TTC6: variants seen among roughly 807,000 people sequenced by gnomAD.
The protein encoded by TTC6 is tetratricopeptide repeat domain 6.
TTC6 carries 172 observed loss-of-function variants against 210.4 expected under a neutral mutation model. The ratio of observed to expected loss-of-function variants is 0.82; its 90% CI spans 0.72 to 0.93. The LOEUF is 0.93. Ranked by LOEUF, TTC6 falls within the 40% of genes least tolerant of loss-of-function variation. The pLI is 0.00. For missense variants in TTC6, 2,414 were observed against 2,318.1 expected (o/e 1.04, Z -0.85); for synonymous variants, 804 against 819.6 (o/e 0.98, Z 0.32).
chr14:37,717,744 G>GT (rs1301002943), intron 6 of TTC6, among the ~76,000 whole-genome samples: 1 of 151,224 alleles, frequency 6.6e-6, no homozygotes, highest in Non-Finnish European at 1.5e-5. Flanking sequence ...GACAAAGACA[G>GT]TAAAAAAAAC....
chr14:37,685,553 G>A (rs920446668), intron 3 of TTC6, among the ~76,000 whole-genome samples: 2 of 152,308 alleles, frequency 1.3e-5, no homozygotes, highest in East Asian at 1.9e-4. Flanking sequence ...TTGGAAAAAG[G>A]TTGAGGTTTT....
At chr14:37,790,299 T>C (rs1172922237) in intron 15 of TTC6, among the ~76,000 whole-genome samples, 1 of 152,132 alleles carries the variant, frequency 6.6e-6, no homozygotes, top group African/African-American at 2.4e-5. Flanking sequence ...CCAGTAACGA[T>C]GGCTTCCTGA....
chr14:37,780,575 T>C (rs959003536), intron 14 of TTC6, among the ~76,000 whole-genome samples: 5 of 152,310 alleles, frequency 3.3e-5, no homozygotes, highest in Middle Eastern at 3.4e-3. Context: ...GCAAAAGACA[T>C]GTTCTCATTT....
intron 10 of TTC6, among the ~76,000 whole-genome samples, chr14:37,745,653 T>A (rs917584537): frequency 4.6e-5 from 7 of 152,228 alleles, no homozygotes; most frequent in African/African-American, 1.7e-4. Context: ...TTCACTTGAC[T>A]TTCATAATTC....
intron 14 of TTC6, among the ~76,000 whole-genome samples, chr14:37,775,643 C>A (rs569134671): frequency 6.6e-6 from 1 of 152,204 alleles, no homozygotes; most frequent in East Asian, 1.9e-4. Context: ...TCTATTTGGT[C>A]AAATGTCAGG....
chr14:37,778,064 G>A (rs1430397719), intron 14 of TTC6, among the ~76,000 whole-genome samples: 1 of 152,186 alleles, frequency 6.6e-6, no homozygotes, highest in Non-Finnish European at 1.5e-5. Context: ...GCTTCATTGG[G>A]TGGTGGCAGC....
chr14:37,677,565 C>A (rs942280951), intron 1 of TTC6, among the ~76,000 whole-genome samples: 1 of 151,912 alleles, frequency 6.6e-6, no homozygotes, highest in African/African-American at 2.4e-5. Context: ...TTGTGTGTTT[C>A]TGCTCAGAGG....
intron 7 of TTC6, among the ~76,000 whole-genome samples, chr14:37,727,805 C>G (rs1951638): frequency 0.016 from 2,399 of 152,292 alleles, 71 homozygotes; most frequent in African/African-American, 0.054. Context: ...TTTAAAAACT[C>G]GTTGGAATTA....
At chr14:37,770,014 G>C (rs531279025) in intron 14 of TTC6, among the ~76,000 whole-genome samples, 5,839 of 152,146 alleles carry the variant, frequency 0.038, 146 homozygotes, top group Non-Finnish European at 0.051. Flanking sequence ...CTTTGTTCCC[G>C]TTGGTTTCAA....
chr14:37,786,967 A>G (rs532691798), intron 14 of TTC6, among the ~76,000 whole-genome samples: 7 of 152,356 alleles, frequency 4.6e-5, no homozygotes, highest in African/African-American at 1.7e-4. Flanking sequence ...AATCCAGTTT[A>G]CACAACTAAT....
At chr14:37,643,879 TG>T (rs2095696852) in intron 1 of TTC6, among the ~76,000 whole-genome samples, 2 of 152,228 alleles carry the variant, frequency 1.3e-5, no homozygotes, top group Admixed American at 1.3e-4. Flanking sequence ...TTCATTATGC[TG>T]TCGAGACCTG....
chr14:37,687,638 G>A (rs1359613673), intron 3 of TTC6, among the ~76,000 whole-genome samples: 1 of 152,076 alleles, frequency 6.6e-6, no homozygotes, highest in African/African-American at 2.4e-5. Context: ...CTTACATACC[G>A]AGCTCAGCCA....
chr14:37,736,011 G>A lies in TTC6; in HGVS notation c.1908+1G>A. On this transcript the variant is annotated splice_donor_variant, in intron 8 of 30. Coordinates refer to ENST00000553443, the Ensembl canonical transcript of TTC6. LOFTEE classifies it high-confidence loss of function. ...TCAACATAGCAGAACAAATTTTTGG[G>A]TATGTACAATTTTTGTTCTTAATTA... The A allele has an allele frequency of 6.7e-7, 1 of 1,503,510 alleles. No individual in the cohort carries two copies. The allele number at this position is 1,503,510 out of a possible 1,614,324, so 93.1% of individuals were successfully genotyped here.
intron 7 of TTC6, among the ~76,000 whole-genome samples, chr14:37,731,980 G>A (rs944070793): frequency 4.6e-5 from 7 of 151,730 alleles, no homozygotes; most frequent in Non-Finnish European, 1.0e-4. Flanking sequence ...CATTTCTGTT[G>A]TAAAAGTTAT....
At chr14:37,627,972 T>C (rs2095663174) in intron 1 of TTC6, among the ~76,000 whole-genome samples, 1 of 152,132 alleles carries the variant, frequency 6.6e-6, no homozygotes, top group African/African-American at 2.4e-5. Flanking sequence ...TCCTGACTTG[T>C]TTTTGTTTTT....
At chr14:37,760,766 T>C (rs2095981865) in intron 14 of TTC6, among the ~76,000 whole-genome samples, 1 of 152,218 alleles carries the variant, frequency 6.6e-6, no homozygotes, top group African/African-American at 2.4e-5. Flanking sequence ...TTTGCCGCAC[T>C]GTGGTGAATT....
chr14:37,643,373 A>G (rs1417021678), intron 1 of TTC6, among the ~76,000 whole-genome samples: 3 of 152,122 alleles, frequency 2.0e-5, no homozygotes, highest in African/African-American at 7.2e-5. Flanking sequence ...AATTCTTAAT[A>G]TCTGTGGTGA....
At chr14:37,706,127 G>A (rs947602509) in intron 5 of TTC6, among the ~76,000 whole-genome samples, 4 of 152,152 alleles carry the variant, frequency 2.6e-5, no homozygotes, top group African/African-American at 4.8e-5. Context: ...GTGAGGGCAC[G>A]TGTGAGTGCT....
chr14:37,836,726 C>T (rs200403000), intron 29 of TTC6, among the ~76,000 whole-genome samples: 1 of 152,138 alleles, frequency 6.6e-6, no homozygotes, highest in Non-Finnish European at 1.5e-5. Flanking sequence ...GAGCCTCCTT[C>T]GTAGAGAAAA....
Sources: allele counts gnomAD v4.1 joint callset (sites outside exome capture counted in the v4.1 genomes callset), GRCh38; gene constraint gnomAD v4.1.1; transcripts MANE v1.5; gene names NCBI Gene and HGNC (gene_info 2026-07-23, HGNC 2026-07-21).